Variants in MYBL1 observed in about 807,000 individuals in gnomAD.
MYBL1 encodes the protein myb-related protein A.
In MYBL1, 17 loss-of-function variants were observed where a neutral mutation model predicts 96.3. The ratio of observed to expected loss-of-function variants is 0.18; its 90% CI spans 0.12 to 0.26. The LOEUF is 0.26. Ranked by LOEUF, MYBL1 falls within the 10% of genes least tolerant of loss-of-function variation. The pLI, the probability that MYBL1 is intolerant of heterozygous loss-of-function variation, is 1.00. For synonymous variants in MYBL1, 282 were observed against 292.7 expected (o/e 0.96, Z 0.37); for missense variants, 701 against 882.9 (o/e 0.79, Z 2.61).
chr8:66,576,747 T>C (rs992464798), intron 9 of MYBL1, among the ~76,000 whole-genome samples: 2 of 152,190 alleles, frequency 1.3e-5, no homozygotes, highest in Non-Finnish European at 2.9e-5. Flanking sequence ...GTAATGTGTA[T>C]GGAACGTGTT....
At chr8:66,567,629 C>A in intron 12 of MYBL1, among the ~76,000 whole-genome samples, 1 of 152,004 alleles carries the variant, frequency 6.6e-6, no homozygotes, top group East Asian at 1.9e-4. Context: ...AAATATTATT[C>A]ATCTAGCTTT....
intron 8 of MYBL1, among the ~76,000 whole-genome samples, chr8:66,589,879 CT>C (rs1809568764): frequency 6.6e-6 from 1 of 152,114 alleles, no homozygotes; most frequent in Non-Finnish European, 1.5e-5. Flanking sequence ...AAAACAGAAA[CT>C]GCAACATAGG....
chr8:66,568,972 C>T (rs919343581), intron 12 of MYBL1, among the ~76,000 whole-genome samples: 1 of 152,026 alleles, frequency 6.6e-6, no homozygotes, highest in Admixed American at 6.5e-5. Flanking sequence ...TGCAGTGAGC[C>T]GAGATCGCGC....
chr8:66,603,364 T>C (rs1035093955), intron 1 of MYBL1, among the ~76,000 whole-genome samples: 8 of 151,956 alleles, frequency 5.3e-5, no homozygotes, highest in South Asian at 4.1e-4. Context: ...AAAGACACAA[T>C]AGAAGTGATC....
rs1463960112 is a variant in MYBL1 at position 66,575,967 on chromosome 8, C to T, written c.1470+40G>A. 6 of 1,566,578 alleles carry T rather than the reference C, an allele frequency of 3.8e-6. No individual in the cohort carries two copies. In the African/African-American group the frequency reaches 6.8e-5, roughly 18 times the overall value. ...GTTAAAGATCTAATTTAATGTAACT[C>T]ATTGACATTTAGAAACATAAACAAA... On this transcript the variant is annotated intron_variant, in intron 10 of 15. Transcript: ENST00000522677.
chr8:66,601,565 AC>A (rs1405902478), intron 3 of MYBL1, 132 bp downstream of exon 3: 2 of 574,760 alleles, frequency 3.5e-6, no homozygotes, highest in African/African-American at 3.8e-5. Context: ...CTAGAGGCAG[AC>A]CAAACCAACA....
intron 12 of MYBL1, among the ~76,000 whole-genome samples, chr8:66,568,654 T>C (rs1235876710): frequency 1.3e-5 from 2 of 152,188 alleles, no homozygotes; most frequent in Non-Finnish European, 2.9e-5. Flanking sequence ...AGTATTCTTT[T>C]TTCAAATTAA....
chr8:66,600,507 C>A lies in MYBL1; in HGVS notation c.198+1191G>T, dbSNP rs139714367. Among the ~76,000 whole-genome samples the A allele has an allele frequency of 1.7e-4, 26 of 152,316 alleles. No homozygotes were observed. The East Asian group carries it at 2.7e-3, about 16-fold the overall frequency. ...TAAATAACTTTTCTAACCTAGCTTC[C>A]ATTTATTGAACACCTGCTAAATATT... On this transcript the variant is annotated intron_variant, in intron 3 of 15. Transcript: ENST00000522677.
intron 8 of MYBL1, among the ~76,000 whole-genome samples, chr8:66,582,798 T>C (rs1262713759): frequency 1.3e-5 from 2 of 150,080 alleles, no homozygotes; most frequent in Non-Finnish European, 3.0e-5. Context: ...AGCAAAAGAA[T>C]ATAATTGTAA....
chr8:66,562,524 T>C lies in MYBL1; in HGVS notation c.*2173A>G, dbSNP rs533926485. On this transcript the variant is annotated 3_prime_UTR_variant, in exon 16 of 16. Transcript: ENST00000522677. The stretch of plus-strand genomic sequence containing the variant: ...AGGATTCAACCAGTACCAACCCAAA[T>C]ATGTATTATGTCCAATAAGCCCAGA... The C allele has an allele frequency of 5.2e-5, 8 of 152,596 alleles. No individual in the cohort carries two copies. The highest frequency in any genetic ancestry group is 8.8e-5 in the Non-Finnish European group (6 of 68,012). 9.5% of individuals were successfully genotyped at this position (152,596 alleles called of 1,614,324 possible).
intron 9 of MYBL1, among the ~76,000 whole-genome samples, chr8:66,579,719 A>C (rs537236022): frequency 6.6e-6 from 1 of 151,224 alleles, no homozygotes; most frequent in East Asian, 1.9e-4. Flanking sequence ...GGTGGAAAAC[A>C]AAAAAAAATC....
chr8:66,563,386 A>G lies in MYBL1; in HGVS notation c.*1311T>C, dbSNP rs555873703. On this transcript the variant is annotated 3_prime_UTR_variant, in exon 16 of 16. Coordinates refer to ENST00000522677, the MANE Select transcript of MYBL1 (RefSeq NM_001080416.4). The stretch of plus-strand genomic sequence containing the variant: ...ACCATTATATGACTGAAAAAAAATT[A>G]CATATAATCTCTACCACAAAAGCAA... 4.6e-5 allele frequency: 7 copies of G among 152,642 alleles called. No homozygotes were observed. The highest frequency in any genetic ancestry group is 1.9e-4 in the East Asian group (1 of 5,208). 9.5% of individuals were successfully genotyped at this position (152,642 alleles called of 1,614,324 possible).
At position 66,576,107 on chromosome 8, in the gene MYBL1, T is replaced by C. The variant is rs1215842958; in HGVS notation, c.1370A>G (p.His457Arg). 1 of 1,613,906 alleles carries C rather than the reference T, an allele frequency of 6.2e-7. No homozygotes were observed. The highest frequency in any genetic ancestry group is 1.1e-5 in the South Asian group (1 of 91,090). Residue 457 changes from histidine (H) to arginine (R), a missense_variant, in exon 10 of 16, where the codon CAT (histidine) becomes CGT (arginine). His to Arg is a conservative substitution (Grantham distance 29). Coordinates refer to ENST00000522677, the MANE Select transcript of MYBL1 (RefSeq NM_001080416.4). ...LRKKRKMRVG[H>R]SPGSELRDGS... Reference sequence around the variant, plus strand: ...ATCCCTAAGTTCGCTGCCTGGGGAATGACCCACTCGCATTTTTCTCTTCTT... The same window carrying C: ...ATCCCTAAGTTCGCTGCCTGGGGAACGACCCACTCGCATTTTTCTCTTCTT...
At position 66,567,622 on chromosome 8, in the gene MYBL1, T is replaced by C. The variant is rs1028175919; in HGVS notation, c.1729-630A>G. On this transcript the variant is annotated intron_variant, in intron 12 of 15. Coordinates refer to ENST00000522677, the MANE Select transcript of MYBL1 (RefSeq NM_001080416.4). Reference sequence around the variant, plus strand: ...GCTGAGTGATGAAATAGTCTCAAAATATTATTCATCTAGCTTTCTGTCAAA... The same window carrying C: ...GCTGAGTGATGAAATAGTCTCAAAACATTATTCATCTAGCTTTCTGTCAAA... Among the ~76,000 whole-genome samples the C allele has an allele frequency of 2.0e-5, 3 of 152,118 alleles. No homozygotes were observed. The East Asian group carries it at 5.8e-4, about 29-fold the overall frequency.
chr8:66,588,127 T>C (rs1809492556), intron 8 of MYBL1, among the ~76,000 whole-genome samples: 1 of 152,070 alleles, frequency 6.6e-6, no homozygotes, highest in South Asian at 2.1e-4. Context: ...GGTTTTCCTC[T>C]CATGCTGGAG....
chr8:66,602,339 C>T lies in MYBL1; in HGVS notation c.126+79G>A, dbSNP rs1810108024. The T allele has an allele frequency of 8.2e-6, 8 of 970,214 alleles. No individual in the cohort carries two copies. In the South Asian group the frequency reaches 1.6e-4, roughly 19 times the overall value. 60.1% of individuals were successfully genotyped at this position (970,214 alleles called of 1,614,324 possible). ...GGGCTGGGATTACAGGCGTGAGCCA[C>T]CACACCTGGCCGTATAACTATAGCA... On this transcript the variant is annotated intron_variant, in intron 2 of 15. Transcript: ENST00000522677.
chr8:66,595,604 A>C lies in MYBL1; in HGVS notation c.666T>G (p.Asn222Lys). The change falls in exon 6 of 16, where the codon AAT (asparagine) becomes AAG (lysine). Residue 222 changes from asparagine (N) to lysine (K), a missense_variant. Physicochemically the swap from Asn to Lys is moderately conservative, Grantham distance 94 (BLOSUM62 0). Coordinates refer to ENST00000522677, the MANE Select transcript of MYBL1 (RefSeq NM_001080416.4). ...GTGCCTGAACAGGTATGTAAAACTG[A>C]TTCTGGGTTTGCATATGATCCATAG... is the stretch of plus-strand genomic sequence containing the variant. ...CAAMDHMQTQ[N>K]QFYIPVQIPG... 1 of 1,579,500 alleles carries C rather than the reference A, an allele frequency of 6.3e-7. No individual in the cohort carries two copies. Among genetic ancestry groups the C allele is most frequent in the Non-Finnish European group, 8.6e-7 (1 of 1,163,374 alleles).
intron 3 of MYBL1, among the ~76,000 whole-genome samples, chr8:66,601,101 TG>T (rs1810051001): frequency 2.2e-5 from 3 of 135,154 alleles, no homozygotes; most frequent in Non-Finnish European, 4.5e-5. Context: ...CGCTTGAATC[TG>T]GGAGGCGGAG....
At chr8:66,612,046 A>C (rs1439717349) in intron 1 of MYBL1, 2 of 152,228 alleles carry the variant, frequency 1.3e-5, no homozygotes, top group Non-Finnish European at 2.9e-5. Context: ...AGATGCATAA[A>C]TTCATCCTAG....
Sources: gnomAD v4.1 joint callset for allele counts (sites outside exome capture counted in the v4.1 genomes callset) on GRCh38, gnomAD v4.1.1 for gene constraint, MANE v1.5 for transcripts, NCBI Gene and HGNC (gene_info 2026-07-23, HGNC 2026-07-21) for gene names.